The following PTPRD variants were observed in gnomAD, a reference collection of about 807,000 sequenced individuals.
PTPRD encodes receptor-type tyrosine-protein phosphatase delta.
In PTPRD, 34 loss-of-function variants were observed where a neutral mutation model predicts 214.5. That is an observed-to-expected ratio of 0.16 (90% CI 0.12 to 0.21). PTPRD has a LOEUF of 0.21. Among genes scored for constraint, PTPRD ranks in the 10% least tolerant of loss-of-function variants. PTPRD has a pLI of 1.00. For synonymous variants in PTPRD, 1,128 were observed against 845.7 expected, an observed-to-expected ratio of 1.33 and a Z score of -5.79; for missense variants, 2,545 against 2,398.7, an observed-to-expected ratio of 1.06 and a Z score of -1.27.
chr9:10,170,108 A>T (rs1455110807), intron 3 of PTPRD, among the ~76,000 whole-genome samples: 1 of 152,202 alleles, frequency 6.6e-6, no homozygotes, highest in South Asian at 2.1e-4. Flanking sequence ...TGATAGAGAA[A>T]CTTTGGTACA....
intron 11 of PTPRD, among the ~76,000 whole-genome samples, chr9:9,014,211 T>C (rs2154364450): frequency 6.6e-6 from 1 of 151,384 alleles, no homozygotes; most frequent in East Asian, 1.9e-4. Flanking sequence ...TTTTTTTTTT[T>C]TTCTGGAAGC....
intron 4 of PTPRD, among the ~76,000 whole-genome samples, chr9:9,980,077 C>T (rs2095488493): frequency 6.6e-6 from 1 of 151,806 alleles, no homozygotes; most frequent in South Asian, 2.1e-4. Context: ...ATTTATTAAA[C>T]AAGAACTAAA....
At chr9:9,652,135 C>G (rs906788610) in intron 7 of PTPRD, among the ~76,000 whole-genome samples, 45 of 152,120 alleles carry the variant, frequency 3.0e-4, no homozygotes, top group Admixed American at 2.4e-3. Context: ...AGCCACCATG[C>G]CTGGCCTATT....
At chr9:8,329,010 C>A (rs995128487) in intron 44 of PTPRD, among the ~76,000 whole-genome samples, 2 of 152,094 alleles carry the variant, frequency 1.3e-5, no homozygotes, top group African/African-American at 2.4e-5. Flanking sequence ...TTATTACCCA[C>A]GTTCTGAAGC....
chr9:10,361,622 C>T (rs953500405), intron 2 of PTPRD, among the ~76,000 whole-genome samples: 2 of 152,028 alleles, frequency 1.3e-5, no homozygotes, highest in African/African-American at 4.8e-5. Flanking sequence ...TAATTGATAC[C>T]CATTTCTACT....
chr9:10,083,746 T>C (rs1036617250), intron 3 of PTPRD, among the ~76,000 whole-genome samples: 12 of 151,918 alleles, frequency 7.9e-5, no homozygotes, highest in Non-Finnish European at 1.5e-4. Flanking sequence ...ATGAGGATCA[T>C]CAGGCTTTAG....
intron 36 of PTPRD, among the ~76,000 whole-genome samples, chr9:8,393,602 T>A (rs576035414): frequency 3.3e-5 from 5 of 152,124 alleles, no homozygotes; most frequent in African/African-American, 4.8e-5. Context: ...ACAGCTTACC[T>A]CTAAGACTGG....
At position 8,929,715 on chromosome 9, in the gene PTPRD, A is replaced by G. The variant is rs868529771; in HGVS notation, c.-104+88982T>C. Among the ~76,000 whole-genome samples the G allele has an allele frequency of 2.7e-3, 361 of 134,308 alleles. 6 individuals are homozygous for G. The highest frequency in any genetic ancestry group is 9.5e-3 in the African/African-American group (338 of 35,426). The allele number at this position is 134,308 out of a possible 152,430, so 88.1% of individuals were successfully genotyped here. ...TGTATATATATATGTGTATATATAT[A>G]TGTGTATATATATATGTGTATATAT... On this transcript the variant is annotated intron_variant, in intron 11 of 45. Coordinates refer to ENST00000381196, the MANE Select transcript of PTPRD (RefSeq NM_002839.4).
chr9:10,154,691 C>T (rs2099082724), intron 3 of PTPRD, among the ~76,000 whole-genome samples: 1 of 152,070 alleles, frequency 6.6e-6, no homozygotes, highest in African/African-American at 2.4e-5. Flanking sequence ...TATCCCAGTA[C>T]CATTTATTGA....
At chr9:9,870,110 C>T (rs1383408278) in intron 5 of PTPRD, among the ~76,000 whole-genome samples, 1 of 151,816 alleles carries the variant, frequency 6.6e-6, no homozygotes. Flanking sequence ...AAATATTATA[C>T]AACAAATGGA....
At chr9:9,242,694 G>A (rs1339407760) in intron 9 of PTPRD, among the ~76,000 whole-genome samples, 1 of 152,054 alleles carries the variant, frequency 6.6e-6, no homozygotes, top group Non-Finnish European at 1.5e-5. Context: ...AGCTCCATCA[G>A]GTCATTTAAG....
At chr9:10,160,561 A>G (rs765337681) in intron 3 of PTPRD, among the ~76,000 whole-genome samples, 1 of 151,988 alleles carries the variant, frequency 6.6e-6, no homozygotes, top group Admixed American at 6.6e-5. Flanking sequence ...AAAACTGGAT[A>G]TAGAAAAAAC....
intron 5 of PTPRD, among the ~76,000 whole-genome samples, chr9:9,932,386 G>C (rs2087035192): frequency 1.4e-5 from 2 of 145,460 alleles, no homozygotes; most frequent in South Asian, 4.5e-4. Flanking sequence ...GCTTAAAGGA[G>C]CTGATGGAGC....
intron 9 of PTPRD, among the ~76,000 whole-genome samples, chr9:9,387,830 G>C (rs114440721): frequency 5.9e-5 from 9 of 152,114 alleles, no homozygotes; most frequent in Admixed American, 5.9e-4. Flanking sequence ...GGCAATGTCT[G>C]TGGTAAAAAT....
intron 10 of PTPRD, among the ~76,000 whole-genome samples, chr9:9,077,180 G>A (rs941629285): frequency 6.8e-6 from 1 of 147,888 alleles, no homozygotes; most frequent in African/African-American, 2.5e-5. Context: ...TGTAGAGTTG[G>A]TTGAGCTCCT....
At chr9:10,495,158 A>C (rs568282668) in intron 2 of PTPRD, among the ~76,000 whole-genome samples, 1 of 151,856 alleles carries the variant, frequency 6.6e-6, no homozygotes, top group South Asian at 2.1e-4. Context: ...TAGTTTCTCA[A>C]TGTTGTACAA....
chr9:9,272,624 T>G (rs558870557), intron 9 of PTPRD, among the ~76,000 whole-genome samples: 1 of 151,442 alleles, frequency 6.6e-6, no homozygotes, highest in African/African-American at 2.4e-5. Context: ...TTTGCATGTA[T>G]TTGAGCCTCA....
intron 9 of PTPRD, among the ~76,000 whole-genome samples, chr9:9,300,813 T>A (rs1458934427): frequency 1.3e-5 from 2 of 151,910 alleles, no homozygotes; most frequent in African/African-American, 2.4e-5. Flanking sequence ...GGTATTTTGT[T>A]ATATCAATCC....
At chr9:10,062,112 T>C (rs776797334) in intron 3 of PTPRD, among the ~76,000 whole-genome samples, 30 of 152,088 alleles carry the variant, frequency 2.0e-4, no homozygotes, top group Non-Finnish European at 2.9e-4. Context: ...TATTTCAATT[T>C]ACTCAACTCA....
Sources: allele counts gnomAD v4.1 joint callset (sites outside exome capture counted in the v4.1 genomes callset), GRCh38; gene constraint gnomAD v4.1.1; transcripts MANE v1.5; gene names NCBI Gene and HGNC (gene_info 2026-07-23, HGNC 2026-07-21).